The following APOLD1 variants were observed in gnomAD, a reference collection of about 807,000 sequenced individuals.
The protein encoded by APOLD1 is apolipoprotein L domain-containing protein 1.
In APOLD1, 22 loss-of-function variants were observed where a neutral mutation model predicts 15.3. That is an observed-to-expected ratio of 1.44 (90% CI 1.03 to 2.05). The LOEUF (loss-of-function observed/expected upper bound fraction) is 2.05, where lower values mean the gene tolerates loss of function less well. APOLD1 is among the 30% of genes most tolerant of loss of function. The probability of loss-of-function intolerance (pLI) is 0.00; values close to 1 mark genes in which losing one functional copy is unlikely to be tolerated. For synonymous variants in APOLD1, 190 were observed against 167.4 expected (o/e 1.13, Z -1.04); for missense variants, 394 against 353.5 (o/e 1.11, Z -0.92).
At chr12:12,751,271 C>T (rs1056243760) in intron 1 of APOLD1, among the ~76,000 whole-genome samples, 3 of 152,060 alleles carry the variant, frequency 2.0e-5, no homozygotes, top group African/African-American at 7.2e-5. Context: ...AGGATGTCAG[C>T]CACACCTCTG....
At chr12:12,739,816 CTTTTT>C (rs35885205) in intron 1 of APOLD1, among the ~76,000 whole-genome samples, 7 of 111,726 alleles carry the variant, frequency 6.3e-5, no homozygotes, top group Non-Finnish European at 9.5e-5. Flanking sequence ...CCAGATCCTA[CTTTTT>C]TTTTTTTTTT....
intron 1 of APOLD1, among the ~76,000 whole-genome samples, chr12:12,762,567 C>T (rs1170892553): frequency 1.3e-5 from 2 of 151,862 alleles, no homozygotes; most frequent in Non-Finnish European, 2.9e-5. Flanking sequence ...GTTAGCTAGG[C>T]TGGTCTTGAA....
intron 1 of APOLD1, among the ~76,000 whole-genome samples, chr12:12,753,978 G>A (rs1041358273): frequency 6.6e-6 from 1 of 151,794 alleles, no homozygotes; most frequent in East Asian, 1.9e-4. Flanking sequence ...GCTTTGGAAG[G>A]CTGAGGTGGG....
At chr12:12,728,916 G>C (rs530567339) in intron 1 of APOLD1, among the ~76,000 whole-genome samples, 3 of 152,076 alleles carry the variant, frequency 2.0e-5, no homozygotes, top group Non-Finnish European at 2.9e-5. Context: ...CCATATTCTT[G>C]GATGGGAACA....
In APOLD1 at chr12:12,726,907, A is replaced by G. The variant is rs566373212; in HGVS notation, c.96+811A>G. Among the ~76,000 whole-genome samples, 14 of 152,362 alleles carry G rather than the reference A, an allele frequency of 9.2e-5. No homozygotes were observed. The South Asian group carries it at 2.9e-3, about 32-fold the overall frequency. ...AGAAAACATGTGTTTTAATGGAATG[A>G]GAACTTTTTTGAGTTGAAGACACGC... On this transcript the variant is annotated intron_variant, in intron 1 of 1. Transcript: ENST00000326765.
intron 1 of APOLD1, among the ~76,000 whole-genome samples, chr12:12,750,137 C>T (rs571179476): frequency 2.6e-5 from 4 of 152,078 alleles, no homozygotes; most frequent in Non-Finnish European, 5.9e-5. Flanking sequence ...TTTTGCGAGG[C>T]CGAGGCGGGC....
At position 12,773,302 on chromosome 12, in the gene APOLD1, T is replaced by A. The variant is rs118159716; in HGVS notation, c.97-13607T>A. Among the ~76,000 whole-genome samples, 1,515 of 152,340 alleles carry A rather than the reference T, an allele frequency of 9.9e-3. 10 individuals carry two copies. Among genetic ancestry groups the A allele is most frequent in the Non-Finnish European group, 0.014 (949 of 68,030 alleles). ...GTGGCCAGTTATGGTGTCTCACACCTGTAATCCCAGCACTTTGGGAGGGTG... is the reference window on the plus strand; with the variant it reads ...GTGGCCAGTTATGGTGTCTCACACCAGTAATCCCAGCACTTTGGGAGGGTG... On this transcript the variant is annotated intron_variant, in intron 1 of 1. Coordinates refer to the APOLD1 transcript ENST00000326765.
At chr12:12,733,106 G>A (rs1053649318) in intron 1 of APOLD1, among the ~76,000 whole-genome samples, 7 of 151,376 alleles carry the variant, frequency 4.6e-5, no homozygotes, top group Admixed American at 3.3e-4. Flanking sequence ...TAAAGCCCAG[G>A]AGTTTGAGAC....
intron 1 of APOLD1, among the ~76,000 whole-genome samples, chr12:12,730,033 T>A (rs1380818053): frequency 5.4e-5 from 1 of 18,556 alleles, no homozygotes; most frequent in African/African-American, 1.7e-4. Context: ...ACTTTGTGTG[T>A]GTGTGTGTGT....
intron 1 of APOLD1, among the ~76,000 whole-genome samples, chr12:12,738,700 A>C (rs1476304287): frequency 6.6e-6 from 1 of 152,156 alleles, no homozygotes; most frequent in East Asian, 1.9e-4. Flanking sequence ...ATGAGTGCTT[A>C]TGAAGTATGC....
chr12:12,768,060 C>T (rs1015141193), intron 1 of APOLD1, among the ~76,000 whole-genome samples: 1 of 152,096 alleles, frequency 6.6e-6, no homozygotes, highest in Non-Finnish European at 1.5e-5. Context: ...GCTGGGATTA[C>T]AGGTGTAAGC....
At chr12:12,783,889 C>T (rs1947105466), upstream of APOLD1, among the ~76,000 whole-genome samples, 1 of 152,140 alleles carries the variant, frequency 6.6e-6, no homozygotes, top group African/African-American at 2.4e-5. Flanking sequence ...CCTCCTCTGC[C>T]TCCCAAAGTG....
chr12:12,776,003 C>CAAAAAAAAAAAAA (rs34623976), intron 1 of APOLD1, among the ~76,000 whole-genome samples: 10 of 62,182 alleles, frequency 1.6e-4, no homozygotes, highest in African/African-American at 3.2e-4. Context: ...GACCCAGTCT[C>CAAAAAAAAAAAAA]AAAAAAAAAA....
At chr12:12,763,890 G>T (rs1946923354) in intron 1 of APOLD1, among the ~76,000 whole-genome samples, 1 of 152,180 alleles carries the variant, frequency 6.6e-6, no homozygotes, top group East Asian at 1.9e-4. Flanking sequence ...TTTGATATGA[G>T]ATTGGTAGAA....
chr12:12,772,188 A>G (rs1946993228), intron 1 of APOLD1, among the ~76,000 whole-genome samples: 2 of 152,240 alleles, frequency 1.3e-5, no homozygotes, highest in Admixed American at 1.3e-4. Flanking sequence ...TTCACCAGTT[A>G]AAAGAAAGAG....
intron 1 of APOLD1, among the ~76,000 whole-genome samples, chr12:12,733,056 G>A (rs1946654454): frequency 6.6e-6 from 1 of 151,914 alleles, no homozygotes; most frequent in Non-Finnish European, 1.5e-5. Flanking sequence ...GCTCATGCCT[G>A]TAATCCCAGC....
chr12:12,782,138 A>G (rs1472442026), upstream of APOLD1, among the ~76,000 whole-genome samples: 1 of 152,064 alleles, frequency 6.6e-6, no homozygotes, highest in Non-Finnish European at 1.5e-5. Context: ...GCGTGCCTGT[A>G]ATCCCAGCTA....
chr12:12,777,822 A>AGAGG (rs1947047486), intron 1 of APOLD1, among the ~76,000 whole-genome samples: 1 of 150,922 alleles, frequency 6.6e-6, no homozygotes, highest in Non-Finnish European at 1.5e-5. Context: ...CTGAAGAGGA[A>AGAGG]GAGGGTATAG....
chr12:12,742,329 A>G (rs1413241941), intron 1 of APOLD1, among the ~76,000 whole-genome samples: 2 of 152,238 alleles, frequency 1.3e-5, no homozygotes, highest in African/African-American at 2.4e-5. Flanking sequence ...CTTGCAAAGG[A>G]CAAAAGATGT....
Sources: allele counts gnomAD v4.1 joint callset (sites outside exome capture counted in the v4.1 genomes callset), GRCh38; gene constraint gnomAD v4.1.1; transcripts MANE v1.5; gene names NCBI Gene and HGNC (gene_info 2026-07-23, HGNC 2026-07-21).